ZDHHC23: variants seen among roughly 807,000 people sequenced by gnomAD.
The protein encoded by ZDHHC23 is zDHHC palmitoyltransferase 23.
A neutral mutation model predicts 40.2 loss-of-function variants in ZDHHC23; 41 were observed. That is an observed-to-expected ratio of 1.02 (90% CI 0.79 to 1.32). The LOEUF is 1.32. ZDHHC23 is among the 40% of genes most tolerant of loss of function. The pLI, the probability that ZDHHC23 is intolerant of heterozygous loss-of-function variation, is 0.00. For missense variants in ZDHHC23, 471 were observed against 541.5 expected (o/e 0.87, Z 1.29); for synonymous variants, 204 against 210.2 (o/e 0.97, Z 0.26).
At chr3:113,972,604 T>C in the ZDHHC23 span, among the ~76,000 whole-genome samples, 2 of 152,096 alleles carry the variant, frequency 1.3e-5, no homozygotes, top group Non-Finnish European at 2.9e-5. Flanking sequence ...TGGTTTCTGG[T>C]TTAAGTTTGA....
At position 113,954,233 on chromosome 3, in the gene ZDHHC23, G is replaced by T; in HGVS notation, c.695G>T (p.Ser232Ile). Residue 232 changes from serine (S) to isoleucine (I), a missense_variant, in exon 3 of 5, where the codon AGT becomes ATT. Ser to Ile is a moderately radical substitution (Grantham distance 142, BLOSUM62 -2). Around this residue, in one of 3 missense-constraint regions of ZDHHC23, gnomAD observed 346 missense variants for 399.8 expected, o/e 0.87. Coordinates refer to ENST00000638807, the MANE Select transcript of ZDHHC23 (RefSeq NM_001320466.2). ...TTCCCTGGGGCAGACATGTCGGGCA[G>T]TCTCAACAATCGCACAACAAAGGAT... ...KGFPGADMSG[S>I]LNNRTTKDDP... 1.2e-6 allele frequency: 2 copies of T among 1,614,216 alleles called. No homozygotes were observed. The highest frequency in any genetic ancestry group is 2.7e-5 in the African/African-American group (2 of 75,052).
the ZDHHC23 span, among the ~76,000 whole-genome samples, chr3:113,970,839 T>C: frequency 2.2e-4 from 33 of 152,114 alleles, no homozygotes; most frequent in Admixed American, 1.5e-3. Flanking sequence ...GTCCTTGCGA[T>C]AGTTTGCTGA....
Position 113,959,137 on chromosome 3 carries a change from A to T in ZDHHC23, c.*507A>T. On this transcript the variant is annotated 3_prime_UTR_variant, in exon 5 of 5. Transcript: ENST00000638807. ...TGGATGTGGAAAGCACTAAAAAACA[A>T]CTCAAGAGCCATGGAAATACAAAGT... is the stretch of plus-strand genomic sequence containing the variant. 1 of 1,041,132 alleles carries T rather than the reference A, an allele frequency of 9.6e-7. No individual in the cohort carries two copies. Among genetic ancestry groups the T allele is most frequent in the East Asian group, 6.8e-5 (1 of 14,790 alleles). The allele number at this position is 1,041,132 out of a possible 1,614,324, so 64.5% of individuals were successfully genotyped here. A position where few individuals can be genotyped will look rare whatever the true frequency, so the allele number is the denominator to read the frequency against.
At chr3:113,956,620 T>C (rs1394986453) in intron 4 of ZDHHC23, 114 bp downstream of exon 4, 29 of 1,107,154 alleles carry the variant, frequency 2.6e-5, no homozygotes, top group Non-Finnish European at 2.9e-5. Flanking sequence ...GGCCAGGCTA[T>C]GGAAATGCTG....
At chr3:113,965,432 C>A, downstream of ZDHHC23, 1 of 782,468 alleles carries the variant, frequency 1.3e-6, no homozygotes, top group Non-Finnish European at 2.0e-6. Context: ...ACATTAAGAA[C>A]TTTATAAAAA....
In ZDHHC23 at chr3:113,948,947, G is replaced by T. The variant is rs1014929000; in HGVS notation, c.145G>T (p.Asp49Tyr). 5 of 1,614,092 alleles carry T rather than the reference G, an allele frequency of 3.1e-6. No individual in the cohort carries two copies. The African/African-American group carries it at 5.3e-5, about 17-fold the overall frequency. The change falls in exon 2 of 5, where the codon GAT becomes TAT. Residue 49 changes from aspartate to tyrosine, a missense_variant. By Grantham distance (160) the Asp-to-Tyr change is radical. Transcript: ENST00000638807. The part of the protein sequence containing the change: ...ATCLCDCQDL[D>Y]EGCDRWITCK... ...TTGTTTGTGTGATTGTCAAGATCTG[G>T]ATGAAGGGTGTGATCGGTAAGAACA...
At chr3:113,949,031 C>T in intron 2 of ZDHHC23, 68 bp downstream of exon 2, 3 of 1,578,274 alleles carry the variant, frequency 1.9e-6, no homozygotes, top group East Asian at 4.5e-5. Context: ...GTACTTTCAA[C>T]CTAGCCACCC....
At chr3:113,955,035 C>T (rs961922262) in intron 3 of ZDHHC23, among the ~76,000 whole-genome samples, 7 of 152,202 alleles carry the variant, frequency 4.6e-5, no homozygotes, top group African/African-American at 1.7e-4. Context: ...AATGTTGCAG[C>T]TTCACTAAAT....
chr3:113,953,500 C>T (rs1191476361), intron 2 of ZDHHC23, among the ~76,000 whole-genome samples, 200 bp from the exon 3 acceptor site: 1 of 152,144 alleles, frequency 6.6e-6, no homozygotes, highest in African/African-American at 2.4e-5. Flanking sequence ...ATAATCTTGA[C>T]TTTAAGTTTT....
the ZDHHC23 span, among the ~76,000 whole-genome samples, chr3:113,975,502 A>ATAT: frequency 6.6e-6 from 1 of 152,234 alleles, no homozygotes; most frequent in African/African-American, 2.4e-5. Flanking sequence ...CATTTACCAA[A>ATAT]TATTTACTGT....
Position 113,956,368 on chromosome 3 carries a change from A to G in ZDHHC23, c.902A>G (p.His301Arg), listed in dbSNP as rs141568852. 1 of 1,614,166 alleles carries G rather than the reference A, an allele frequency of 6.2e-7. No individual in the cohort carries two copies. The highest frequency in any genetic ancestry group is 8.5e-7 in the Non-Finnish European group (1 of 1,180,030). ...WINSCVGESN[H>R]QAFILALLIF... ...AATAGCTGCGTTGGAGAATCAAATC[A>G]TCAAGCATTTATACTTGCCCTTTTG... is the stretch of plus-strand genomic sequence containing the variant. Residue 301 changes from histidine to arginine, a missense_variant, in exon 4 of 5, where the codon CAT becomes CGT. Physicochemically the swap from His to Arg is conservative, Grantham distance 29. This residue lies in a region of ZDHHC23 where 346 missense variants were observed against 399.8 expected (regional missense o/e 0.87). Transcript: ENST00000638807.
chr3:113,954,553 C>G (rs1298134969), intron 3 of ZDHHC23, 143 bp downstream of exon 3: 1 of 740,030 alleles, frequency 1.4e-6, no homozygotes, highest in Non-Finnish European at 2.1e-6. Context: ...TTGTGATGTT[C>G]CCACTTAGTC....
Position 113,958,596 on chromosome 3 carries a change from G to A in ZDHHC23, c.1274G>A (p.Arg425His), listed in dbSNP as rs1478425085. 3.7e-6 allele frequency: 6 copies of A among 1,604,168 alleles called. No homozygotes were observed. In the South Asian group the frequency reaches 4.4e-5, roughly 12 times the overall value. Residue 425 changes from arginine to histidine, a missense_variant, in exon 5 of 5, where the codon CGT (arginine) becomes CAT (histidine). This residue lies in a region of ZDHHC23 where 346 missense variants were observed against 399.8 expected (regional missense o/e 0.87). Transcript: ENST00000638807. ...CACCAGTTCTCCACCCTGGGCACACGTGCATTCCACCACCCTGCCGAGGAC... is the reference window on the plus strand; with the variant it reads ...CACCAGTTCTCCACCCTGGGCACACATGCATTCCACCACCCTGCCGAGGAC... ...NWHQFSTLGT[R>H]AFHHPAEDIV
chr3:113,962,351 T>TC lies in ZDHHC23; in HGVS notation c.*3722dup, dbSNP rs1939745097. On this transcript the variant is annotated 3_prime_UTR_variant, in exon 5 of 5. Coordinates refer to ENST00000638807, the MANE Select transcript of ZDHHC23 (RefSeq NM_001320466.2). ...GGCACTAAGTGTTTTCATTGTAGGA[T>TC]CAGCAGCAGGTTAAAGACTGAACGG... The TC allele has an allele frequency of 6.6e-6, 1 of 152,198 alleles. No individual in the cohort carries two copies. Among genetic ancestry groups the TC allele is most frequent in the Non-Finnish European group, 1.5e-5 (1 of 68,032 alleles). The allele number at this position is 152,198 out of a possible 1,614,324, so 9.4% of individuals were successfully genotyped here.
chr3:113,976,250 CTT>C, the ZDHHC23 span, among the ~76,000 whole-genome samples: 2 of 151,368 alleles, frequency 1.3e-5, no homozygotes, highest in Admixed American at 6.6e-5. Context: ...CAGAGTAAGA[CTT>C]TGTCTCAGGG....
At chr3:113,969,284 C>G (rs1272450739), downstream of ZDHHC23, among the ~76,000 whole-genome samples, 2 of 152,318 alleles carry the variant, frequency 1.3e-5, no homozygotes, top group East Asian at 3.9e-4. Context: ...CAAATACTCT[C>G]TCTCTCTTTC....
downstream of ZDHHC23, chr3:113,965,176 C>T (rs751017097): frequency 1.4e-5 from 23 of 1,603,718 alleles, no homozygotes; most frequent in East Asian, 4.7e-4. Flanking sequence ...CCAGACTTGT[C>T]TTACTCAAGG....
intron 4 of ZDHHC23, among the ~76,000 whole-genome samples, chr3:113,957,189 C>T (rs527297904): frequency 2.0e-5 from 3 of 152,242 alleles, no homozygotes; most frequent in Admixed American, 2.0e-4. Context: ...TGCCCATGCT[C>T]TTTATTCCCT....
rs1279226311 is a variant in ZDHHC23, at chr3:113,959,582, T to C, written c.*952T>C. ...AGGAGAACAGACACTCCTGTGGGGA[T>C]GCTTTACTCTCTTTTCTGGTAGGAA... On this transcript the variant is annotated 3_prime_UTR_variant, in exon 5 of 5. Transcript: ENST00000638807. 27 of 1,225,006 alleles carry C rather than the reference T, an allele frequency of 2.2e-5. No homozygotes were observed. The Admixed American group carries it at 6.0e-4, about 27-fold the overall frequency. 75.9% of individuals were successfully genotyped at this position (1,225,006 alleles called of 1,614,324 possible).
Sources: gnomAD v4.1 joint callset for allele counts (sites outside exome capture counted in the v4.1 genomes callset) on GRCh38, gnomAD v4.1.1 for gene constraint, gnomAD v4.1.1 regional missense constraint, MANE v1.5 for transcripts, NCBI Gene and HGNC (gene_info 2026-07-23, HGNC 2026-07-21) for gene names.